Variants in BIN3 observed in about 807,000 individuals in gnomAD.
BIN3 encodes the protein bridging integrator 3.
In BIN3, 41 loss-of-function variants were observed where a neutral mutation model predicts 38.2. That is an observed-to-expected ratio of 1.07 (90% CI 0.84 to 1.39). The LOEUF is 1.39. BIN3 is among the 40% of genes most tolerant of loss of function. The pLI is 0.00. For missense variants in BIN3, 361 were observed against 324.3 expected, an observed-to-expected ratio of 1.11 and a Z score of -0.87; for synonymous variants, 145 against 122.6, an observed-to-expected ratio of 1.18 and a Z score of -1.21.
At chr8:22,623,101 G>C (rs972736689) in intron 8 of BIN3, among the ~76,000 whole-genome samples, 20 of 152,220 alleles carry the variant, frequency 1.3e-4, no homozygotes, top group African/African-American at 4.6e-4. Context: ...GAGGGGCAGA[G>C]CCACAGGGAC....
At chr8:22,642,657 C>T (rs2170510) in intron 2 of BIN3, among the ~76,000 whole-genome samples, 5,008 of 152,200 alleles carry the variant, frequency 0.033, 290 homozygotes, top group African/African-American at 0.11. Context: ...CTTGTGTGAG[C>T]CTCAAAGTAA....
chr8:22,661,758 C>CTGTAT (rs1563170893), intron 1 of BIN3, among the ~76,000 whole-genome samples: 1 of 152,072 alleles, frequency 6.6e-6, no homozygotes, highest in African/African-American at 2.4e-5. Context: ...CACACTGGTA[C>CTGTAT]ATACAGCTCT....
At chr8:22,640,167 G>A (rs1453139083) in intron 2 of BIN3, among the ~76,000 whole-genome samples, 1 of 151,498 alleles carries the variant, frequency 6.6e-6, no homozygotes, top group African/African-American at 2.4e-5. Flanking sequence ...CCAGCCTGCT[G>A]GACACATCCT....
chr8:22,660,402 C>A (rs907373306), intron 1 of BIN3, among the ~76,000 whole-genome samples: 4 of 152,370 alleles, frequency 2.6e-5, no homozygotes, highest in Admixed American at 2.6e-4. Flanking sequence ...TCTGAGAGCA[C>A]CAGACCGGCT....
At chr8:22,643,441 C>G (rs1486601037) in intron 2 of BIN3, among the ~76,000 whole-genome samples, 1 of 152,202 alleles carries the variant, frequency 6.6e-6, no homozygotes, top group Non-Finnish European at 1.5e-5. Context: ...AGCAGTCCTC[C>G]TGCTTTAGCC....
At chr8:22,645,583 TGGCAGGAAAGGGAAGACACCCGC>T (rs1363920732) in intron 1 of BIN3, among the ~76,000 whole-genome samples, 2,047 of 138,142 alleles carry the variant, frequency 0.015, 48 homozygotes, top group African/African-American at 0.065. Flanking sequence ...AAGGCGAGGA[TGGCAGGAAAGGGAAGACACCCGC>T]GAGGATGGCA....
chr8:22,628,923 A>G (rs1211294144), intron 6 of BIN3, among the ~76,000 whole-genome samples: 2 of 152,142 alleles, frequency 1.3e-5, no homozygotes, highest in Non-Finnish European at 2.9e-5. Context: ...CGCTGTCCCC[A>G]GCAGGCAGGG....
intron 4 of BIN3, among the ~76,000 whole-genome samples, chr8:22,631,779 A>G (rs1182097188): frequency 6.6e-6 from 1 of 152,172 alleles, no homozygotes; most frequent in Non-Finnish European, 1.5e-5. Flanking sequence ...CTGTGTTGAC[A>G]TTCCCTGCTG....
chr8:22,640,444 C>T (rs1273473059), intron 2 of BIN3, among the ~76,000 whole-genome samples: 1 of 152,000 alleles, frequency 6.6e-6, no homozygotes, highest in Non-Finnish European at 1.5e-5. Flanking sequence ...CTGCCTTGGC[C>T]TCCCAAAGTG....
At chr8:22,643,193 G>A (rs1040672686) in intron 2 of BIN3, among the ~76,000 whole-genome samples, 3 of 152,140 alleles carry the variant, frequency 2.0e-5, no homozygotes, top group Non-Finnish European at 2.9e-5. Flanking sequence ...TCCTGCAGCC[G>A]GCTAGAGACC....
chr8:22,668,146 C>T (rs1156455091), intron 1 of BIN3, among the ~76,000 whole-genome samples: 2 of 152,102 alleles, frequency 1.3e-5, no homozygotes, highest in African/African-American at 4.8e-5. Context: ...TTGGGCCTGA[C>T]GGTAAGGTAA....
chr8:22,625,228 A>G (rs1227916169), intron 6 of BIN3: 8 of 684,722 alleles, frequency 1.2e-5, no homozygotes, highest in African/African-American at 8.8e-5. Context: ...TCTAGTGACC[A>G]GGAGCAGTGC....
chr8:22,640,209 ACT>A (rs1178964447), intron 2 of BIN3, among the ~76,000 whole-genome samples: 1 of 145,402 alleles, frequency 6.9e-6, no homozygotes, highest in Non-Finnish European at 1.5e-5. Flanking sequence ...ACAGAGTCTC[ACT>A]CTGTCGCTCA....
intron 3 of BIN3, 50 bp downstream of exon 3, chr8:22,636,872 C>A (rs1169472700): frequency 2.5e-6 from 4 of 1,575,986 alleles, no homozygotes; most frequent in Non-Finnish European, 3.5e-6. Context: ...TGGCAGGGGG[C>A]CCTTGTCCCT....
chr8:22,645,004 T>C (rs1266170685), intron 1 of BIN3: 8 of 525,524 alleles, frequency 1.5e-5, no homozygotes, highest in Non-Finnish European at 2.8e-5. Context: ...TCCTCCCACC[T>C]ACAGTGTCAG....
At chr8:22,645,598 G>T (rs972954697) in intron 1 of BIN3, among the ~76,000 whole-genome samples, 2 of 134,726 alleles carry the variant, frequency 1.5e-5, no homozygotes, top group African/African-American at 7.7e-5. Context: ...GGAAAGGGAA[G>T]ACACCCGCGA....
intron 4 of BIN3, among the ~76,000 whole-genome samples, chr8:22,635,558 G>A (rs1802340177): frequency 6.6e-6 from 1 of 152,162 alleles, no homozygotes; most frequent in South Asian, 2.1e-4. Flanking sequence ...GGTGATGACA[G>A]GAGCGGACAC....
At chr8:22,633,757 G>A (rs973871499) in intron 4 of BIN3, among the ~76,000 whole-genome samples, 16 of 152,212 alleles carry the variant, frequency 1.1e-4, no homozygotes, top group African/African-American at 3.1e-4. Context: ...CAGCTCATGA[G>A]TTAGTTGGAG....
chr8:22,621,289 T>G lies in BIN3; in HGVS notation c.*133A>C. ...TGGTGCCAGGCTCAGGAAGAGTCAT[T>G]CATTGCAAAGGGCCGGCAAGTGAAC... On this transcript the variant is annotated 3_prime_UTR_variant, in exon 9 of 9. Coordinates refer to ENST00000276416, the MANE Select transcript of BIN3 (RefSeq NM_018688.6). 1.6e-6 allele frequency: 2 copies of G among 1,224,690 alleles called. No homozygotes were observed. The highest frequency in any genetic ancestry group is 2.2e-6 in the Non-Finnish European group (2 of 899,598). The allele number at this position is 1,224,690 out of a possible 1,614,324, so 75.9% of individuals were successfully genotyped here.
Sources: allele counts gnomAD v4.1 joint callset (sites outside exome capture counted in the v4.1 genomes callset), GRCh38; gene constraint gnomAD v4.1.1; transcripts MANE v1.5; gene names NCBI Gene and HGNC (gene_info 2026-07-23, HGNC 2026-07-21).